Variants in RBM24 observed in about 807,000 individuals in gnomAD.
RBM24 encodes RNA-binding protein 24.
Under a neutral mutation model 23.6 loss-of-function variants are expected in RBM24, and 5 were observed. The ratio of observed to expected loss-of-function variants is 0.21; its 90% CI spans 0.11 to 0.45. The LOEUF is 0.45. Among genes scored for constraint, RBM24 ranks in the 20% least tolerant of loss-of-function variants. The pLI, the probability that RBM24 is intolerant of heterozygous loss-of-function variation, is 0.99. For synonymous variants in RBM24, 151 were observed against 129.5 expected (o/e 1.17, Z -1.13); for missense variants, 252 against 314.6 (o/e 0.80, Z 1.51).
intron 3 of RBM24, among the ~76,000 whole-genome samples, chr6:17,287,714 CAGG>C (rs1760237464): frequency 6.6e-6 from 1 of 151,892 alleles, no homozygotes; most frequent in Non-Finnish European, 1.5e-5. Flanking sequence ...GAGGCTGAGG[CAGG>C]AGAATGGCGT....
At chr6:17,287,978 CACTA>C (rs1189809921) in intron 3 of RBM24, among the ~76,000 whole-genome samples, 1 of 152,164 alleles carries the variant, frequency 6.6e-6, no homozygotes, top group Non-Finnish European at 1.5e-5. Context: ...CTGTAACTAA[CACTA>C]ACCAAACATC....
intron 3 of RBM24, among the ~76,000 whole-genome samples, chr6:17,290,307 T>G (rs188456545): frequency 6.6e-6 from 1 of 152,232 alleles, no homozygotes; most frequent in African/African-American, 2.4e-5. Context: ...AACCACGTAG[T>G]ATTATAGTGT....
rs771258984 is a variant in RBM24 at position 17,292,042 on chromosome 6, G to A, written c.634G>A (p.Ala212Thr). 4.4e-6 allele frequency: 7 copies of A among 1,595,964 alleles called. No homozygotes were observed. Among genetic ancestry groups the A allele is most frequent in the African/African-American group, 2.7e-5 (2 of 74,718 alleles). Residue 212 changes from alanine (A) to threonine (T), a missense_variant, in exon 4 of 4, where the codon GCC becomes ACC. Physicochemically the swap from Ala to Thr is moderately conservative, Grantham distance 58. Transcript: ENST00000379052. ...TAAAPGTAAA[A>T]AAAAAAAAAF... ...AGCGGCACCTGGGACAGCTGCCGCC[G>A]CCGCTGCAGCAGCTGCTGCCGCTGC...
At chr6:17,282,730 C>A in intron 1 of RBM24, 75 bp from the exon 2 acceptor site, 2 of 1,585,600 alleles carry the variant, frequency 1.3e-6, no homozygotes, top group Non-Finnish European at 1.7e-6. Context: ...ATGACTTCTC[C>A]ATTGTGATTC....
intron 2 of RBM24, 39 bp downstream of exon 2, chr6:17,282,967 A>G (rs1760075587): frequency 1.4e-6 from 2 of 1,459,344 alleles, no homozygotes; most frequent in Non-Finnish European, 1.9e-6. Flanking sequence ...CTCTCCAAGA[A>G]CCCCCCATTT....
At chr6:17,284,266 C>T (rs1243693594) in intron 2 of RBM24, among the ~76,000 whole-genome samples, 2 of 152,086 alleles carry the variant, frequency 1.3e-5, no homozygotes, top group African/African-American at 4.8e-5. Context: ...AAAGCATTGT[C>T]TGAAGCATCC....
Position 17,281,765 on chromosome 6 carries a change from T to A in RBM24, c.168+16T>A. 6.5e-7 allele frequency: 1 copy of A among 1,547,472 alleles called. No individual in the cohort carries two copies. The highest frequency in any genetic ancestry group is 8.7e-7 in the Non-Finnish European group (1 of 1,145,116). On this transcript the variant is annotated intron_variant, in intron 1 of 3. Coordinates refer to ENST00000379052, the MANE Select transcript of RBM24 (RefSeq NM_001143942.2). The surrounding 1 kb of genome is among the most constrained non-coding windows in gnomAD (Gnocchi z 7.1). ...CTATGGATTTGTAAGTTGCACGGAC[T>A]GGGGGTGACGGGGAGGGACGGAGTG... is the stretch of plus-strand genomic sequence containing the variant.
rs1439775550 is a variant in RBM24, at chr6:17,293,223, G to C, written c.*1104G>C. ...GTGCCTTAATAGTAATGCTATTTAA[G>C]ATATTTATTTTTAAGTTTTACTATG... On this transcript the variant is annotated 3_prime_UTR_variant, in exon 4 of 4. Transcript: ENST00000379052. The C allele has an allele frequency of 1.0e-4, 16 of 152,648 alleles. No homozygotes were observed. Among genetic ancestry groups the C allele is most frequent in the Admixed American group, 5.2e-4 (8 of 15,286 alleles). 9.5% of individuals were successfully genotyped at this position (152,648 alleles called of 1,614,324 possible). A position where few individuals can be genotyped will look rare whatever the true frequency, so the allele number is the denominator to read the frequency against.
In RBM24 at chr6:17,284,674, C is replaced by G. The variant is rs1222538005; in HGVS notation, c.310C>G (p.Gln104Glu). The part of the protein sequence containing the change: ...IMQPGFAFGV[Q>E]QLHPALIQRP... Reference sequence around the variant, plus strand: ...GTTGTTAGGTTTTGCCTTTGGTGTTCAACAACTTCATCCAGCCCTTATACA... The same window carrying G: ...GTTGTTAGGTTTTGCCTTTGGTGTTGAACAACTTCATCCAGCCCTTATACA... Residue 104 changes from glutamine (Q) to glutamate (E), a missense_variant, in exon 3 of 4, where the codon CAA becomes GAA. Physicochemically the swap from Gln to Glu is conservative, Grantham distance 29. Transcript: ENST00000379052. The G allele has an allele frequency of 6.2e-7, 1 of 1,612,004 alleles. No homozygotes were observed. Among genetic ancestry groups the G allele is most frequent in the African/African-American group, 1.3e-5 (1 of 74,994 alleles).
chr6:17,282,222 A>G (rs1760043522), intron 1 of RBM24: 1 of 1,290,788 alleles, frequency 7.7e-7, no homozygotes, highest in African/African-American at 1.5e-5. Flanking sequence ...CTGCAAAGGT[A>G]GGTTCTTTTA....
In RBM24 at chr6:17,285,550, G is replaced by A. The variant is rs73723640; in HGVS notation, c.347+839G>A. On this transcript the variant is annotated intron_variant, in intron 3 of 3. Transcript: ENST00000379052. Reference sequence around the variant, plus strand: ...CATTGCTTGCATGTCCTAAGTTTCTGTTTTATGGGAAATTTTCTGGGAATG... The same window carrying A: ...CATTGCTTGCATGTCCTAAGTTTCTATTTTATGGGAAATTTTCTGGGAATG... Among the ~76,000 whole-genome samples, 428 of 152,026 alleles carry A rather than the reference G, an allele frequency of 2.8e-3. 3 individuals carry two copies. Among genetic ancestry groups the A allele is most frequent in the African/African-American group, 9.8e-3 (405 of 41,484 alleles).
chr6:17,292,109 G>T lies in RBM24; in HGVS notation c.701G>T (p.Arg234Leu), dbSNP rs753859393. 2.6e-6 allele frequency: 4 copies of T among 1,528,750 alleles called. No individual in the cohort carries two copies. In the South Asian group the frequency reaches 4.8e-5, roughly 19 times the overall value. The allele number at this position is 1,528,750 out of a possible 1,614,324, so 94.7% of individuals were successfully genotyped here. A position where few individuals can be genotyped will look rare whatever the true frequency, so the allele number is the denominator to read the frequency against. The change falls in exon 4 of 4, where the codon CGA (arginine) becomes CTA (leucine). Residue 234 changes from arginine to leucine, a missense_variant. Coordinates refer to ENST00000379052, the MANE Select transcript of RBM24 (RefSeq NM_001143942.2). The stretch of plus-strand genomic sequence containing the variant: ...CAGCCTCAGCAGCTGCAGACAGACC[G>T]AATGCAATAGACCAGCCATCTGATC... ...QYQPQQLQTD[R>L]MQ
intron 2 of RBM24, among the ~76,000 whole-genome samples, chr6:17,283,745 ACAGAGTATTAGCAAT>A (rs1331038221): frequency 6.6e-6 from 1 of 152,204 alleles, no homozygotes; most frequent in African/African-American, 2.4e-5. Flanking sequence ...ACATAAAATC[ACAGAGTATTAGCAAT>A]CAAAGAAAAC....
At chr6:17,284,282 C>T (rs1561734004) in intron 2 of RBM24, among the ~76,000 whole-genome samples, 1 of 152,086 alleles carries the variant, frequency 6.6e-6, no homozygotes, top group Non-Finnish European at 1.5e-5. Flanking sequence ...CATCCCAGAA[C>T]GTTCCAAATT....
intron 3 of RBM24, chr6:17,289,591 C>T: frequency 1.0e-6 from 1 of 985,416 alleles, no homozygotes; most frequent in Non-Finnish European, 1.2e-6. Flanking sequence ...TTTCACTTAA[C>T]ACCTTAATTC....
intron 3 of RBM24, among the ~76,000 whole-genome samples, chr6:17,291,358 A>G (rs1760351325): frequency 6.6e-6 from 1 of 152,154 alleles, no homozygotes; most frequent in African/African-American, 2.4e-5. Flanking sequence ...GAATTTTTCT[A>G]TTTACTTAAT....
At chr6:17,285,614 A>G (rs983844838) in intron 3 of RBM24, among the ~76,000 whole-genome samples, 2 of 152,186 alleles carry the variant, frequency 1.3e-5, no homozygotes, top group South Asian at 2.1e-4. Flanking sequence ...CTTTTAGGCC[A>G]TCTAATTTAA....
At chr6:17,286,187 A>AT (rs11437494) in intron 3 of RBM24, among the ~76,000 whole-genome samples, 24,390 of 132,608 alleles carry the variant, frequency 0.18, 2,488 homozygotes, top group Middle Eastern at 0.29. Flanking sequence ...AACTACTACT[A>AT]TTTTTTTTTT....
chr6:17,291,414 T>A (rs1760352697), intron 3 of RBM24, among the ~76,000 whole-genome samples: 1 of 152,338 alleles, frequency 6.6e-6, no homozygotes, highest in East Asian at 1.9e-4. Context: ...TTCCAAAGTC[T>A]TCATCAATTG....
Sources: allele counts gnomAD v4.1 joint callset (sites outside exome capture counted in the v4.1 genomes callset), GRCh38; gene constraint gnomAD v4.1.1; non-coding constraint Gnocchi (gnomAD v3.1); transcripts MANE v1.5; gene names NCBI Gene and HGNC (gene_info 2026-07-23, HGNC 2026-07-21).